SYNE1: variants seen among roughly 807,000 people sequenced by gnomAD.
SYNE1 encodes the protein nesprin-1.
Under a neutral mutation model 1,111.0 loss-of-function variants are expected in SYNE1, and 616 were observed. That is an observed-to-expected ratio of 0.55 (90% confidence interval 0.52 to 0.59). SYNE1 has a LOEUF of 0.59. Among genes scored for constraint, SYNE1 ranks in the 20% least tolerant of loss-of-function variants. SYNE1 has a pLI of 0.00. For synonymous variants in SYNE1, 3,855 were observed against 3,825.8 expected, an observed-to-expected ratio of 1.01 and a Z score of -0.28; for missense variants, 10,006 against 10,417.0, an observed-to-expected ratio of 0.96 and a Z score of 1.72.
In SYNE1 at chr6:152,301,916, C is replaced by T. The variant is rs760887415; in HGVS notation, c.17494G>A (p.Asp5832Asn). ...GAAGGCGTGGGGAGGAGCTCCCCATCCAGGTCCTCTGTCCCTTCCGCCAGC... is the reference window on the plus strand; with the variant it reads ...GAAGGCGTGGGGAGGAGCTCCCCATTCAGGTCCTCTGTCCCTTCCGCCAGC... ...EGLAEGTEDL[D>N]GELLPTPSAH... Residue 5832 changes from aspartate to asparagine, a missense_variant, in exon 92 of 146, where the codon GAT becomes AAT. Physicochemically the swap from Asp to Asn is conservative, Grantham distance 23 (BLOSUM62 1). Around this residue, in one of 7 missense-constraint regions of SYNE1, gnomAD observed 4,955 missense variants for 5,017.2 expected, o/e 0.99. Coordinates refer to ENST00000367255, the MANE Select transcript of SYNE1 (RefSeq NM_182961.4). The T allele has an allele frequency of 1.6e-5, 26 of 1,614,034 alleles. No homozygotes were observed. Among genetic ancestry groups the T allele is most frequent in the Non-Finnish European group, 2.1e-5 (25 of 1,180,030 alleles).
intron 29 of SYNE1, among the ~76,000 whole-genome samples, chr6:152,446,320 A>C (rs1479971101): frequency 6.6e-6 from 1 of 152,112 alleles, no homozygotes; most frequent in Non-Finnish European, 1.5e-5. Context: ...AAGATGGATA[A>C]TCAAAGGATT....
intron 3 of SYNE1, among the ~76,000 whole-genome samples, chr6:152,571,919 T>C (rs1444793250): frequency 5.3e-5 from 8 of 152,202 alleles, no homozygotes; most frequent in Admixed American, 5.2e-4. Flanking sequence ...CAATGCTAGT[T>C]TGTGCATCAT....
Position 152,224,369 on chromosome 6 carries a change from A to G in SYNE1, c.21522+125T>C. 5 of 955,762 alleles carry G rather than the reference A, an allele frequency of 5.2e-6. No homozygotes were observed. The South Asian group carries it at 8.2e-5, about 16-fold the overall frequency. The allele number at this position is 955,762 out of a possible 1,614,324, so 59.2% of individuals were successfully genotyped here. On this transcript the variant is annotated intron_variant, in intron 117 of 145. Coordinates refer to ENST00000367255, the MANE Select transcript of SYNE1 (RefSeq NM_182961.4). ...AACACAGGTAAAATTAATTTTAAAG[A>G]TCTTAAAAAATAATTAAACGTAAAC...
chr6:152,167,673 T>C (rs779936326), intron 130 of SYNE1: 3 of 468,240 alleles, frequency 6.4e-6, no homozygotes, highest in Non-Finnish European at 1.3e-5. Flanking sequence ...TGAAATAGTT[T>C]TATTTCATGA....
intron 11 of SYNE1, among the ~76,000 whole-genome samples, chr6:152,490,527 C>T (rs966493507): frequency 2.0e-5 from 3 of 152,126 alleles, no homozygotes; most frequent in East Asian, 1.9e-4. Context: ...CAATGAATCT[C>T]GGAAGCTCCC....
At chr6:152,492,124 C>T (rs1283095759) in intron 11 of SYNE1, among the ~76,000 whole-genome samples, 3 of 152,134 alleles carry the variant, frequency 2.0e-5, no homozygotes, top group Non-Finnish European at 4.4e-5. Flanking sequence ...AAGCCCAGCC[C>T]AGTTCATGGC....
At position 152,401,125 on chromosome 6, in the gene SYNE1, G is replaced by A; in HGVS notation, c.7029+13C>T. On this transcript the variant is annotated intron_variant, in intron 47 of 145. Coordinates refer to ENST00000367255, the MANE Select transcript of SYNE1 (RefSeq NM_182961.4). ...ATTTGAATGGAAGCACTTAATGATA[G>A]TTTATTACCTACCTTGACTTTTTTC... is the stretch of plus-strand genomic sequence containing the variant. 1 of 1,612,932 alleles carries A rather than the reference G, an allele frequency of 6.2e-7. No individual in the cohort carries two copies. The highest frequency in any genetic ancestry group is 8.5e-7 in the Non-Finnish European group (1 of 1,179,200).
intron 131 of SYNE1, among the ~76,000 whole-genome samples, chr6:152,162,693 T>C (rs57897850): frequency 0.039 from 5,866 of 152,180 alleles, 340 homozygotes; most frequent in African/African-American, 0.13. Flanking sequence ...TTTAAAGCAA[T>C]GGAATATAGT....
Position 152,236,849 on chromosome 6 carries a change from C to T in SYNE1, c.20167G>A (p.Asp6723Asn). 1.2e-6 allele frequency: 2 copies of T among 1,614,126 alleles called. No individual in the cohort carries two copies. The highest frequency in any genetic ancestry group is 1.7e-6 in the Non-Finnish European group (2 of 1,180,014). Residue 6723 changes from aspartate to asparagine, a missense_variant, in exon 109 of 146, where the codon GAC becomes AAC. Coordinates refer to ENST00000367255, the MANE Select transcript of SYNE1 (RefSeq NM_182961.4). The part of the protein sequence containing the change: ...PSVGLVEENE[D>N]RLIDRITLYQ... Reference sequence around the variant, plus strand: ...AGTGTTATGCGGTCAATAAGCCTGTCCTCGTTCTCCTCCACCAGACCCACG... The same window carrying T: ...AGTGTTATGCGGTCAATAAGCCTGTTCTCGTTCTCCTCCACCAGACCCACG...
At position 152,331,118 on chromosome 6, in the gene SYNE1, C is replaced by T; in HGVS notation, c.13567G>A (p.Glu4523Lys). The T allele has an allele frequency of 6.2e-7, 1 of 1,614,136 alleles. No homozygotes were observed. The highest frequency in any genetic ancestry group is 2.2e-5 in the East Asian group (1 of 44,880). Residue 4523 changes from glutamate to lysine, a missense_variant, in exon 78 of 146, where the codon GAA becomes AAA. This residue lies in a region of SYNE1 where 4,955 missense variants were observed against 5,017.2 expected (regional missense o/e 0.99). Transcript: ENST00000367255. ...TCACTCTTTTCCTGCTCTGTGACTT[C>T]CTTCATTAGTTCGCGACCCTGGGCC... ...LWAQGRELMK[E>K]VTEQEKSEVL...
chr6:152,268,531 A>G (rs1378358643), intron 99 of SYNE1, among the ~76,000 whole-genome samples: 7 of 152,184 alleles, frequency 4.6e-5, no homozygotes, highest in Non-Finnish European at 7.3e-5. Flanking sequence ...TGGCTTTTTA[A>G]GTTCTCCACT....
At chr6:152,401,412 T>A in intron 46 of SYNE1, 71 bp from the exon 47 acceptor site, 1 of 1,465,572 alleles carries the variant, frequency 6.8e-7, no homozygotes, top group African/African-American at 1.4e-5. Flanking sequence ...GAAATTCTGT[T>A]CACGTGCAGC....
chr6:152,132,840 TA>T (rs1002217868), intron 143 of SYNE1, among the ~76,000 whole-genome samples: 2 of 151,042 alleles, frequency 1.3e-5, no homozygotes, highest in African/African-American at 4.9e-5. Context: ...AAAAAAAATA[TA>T]AAAAATTAAA....
chr6:152,315,433 C>G (rs566068369), intron 87 of SYNE1: 1 of 152,260 alleles, frequency 6.6e-6, no homozygotes, highest in African/African-American at 2.4e-5. Context: ...AACTCCTGAC[C>G]TTGTGATCCA....
chr6:152,453,330 TA>T lies in SYNE1; in HGVS notation c.3027+255del, dbSNP rs5880978. 100,369 of 598,896 alleles carry T rather than the reference TA, an allele frequency of 0.17. 10,887 individuals are homozygous for T. Among genetic ancestry groups the T allele is most frequent in the East Asian group, 0.43 (15,386 of 35,958 alleles). 37.1% of individuals were successfully genotyped at this position (598,896 alleles called of 1,614,324 possible). A position where few individuals can be genotyped will look rare whatever the true frequency, so the allele number is the denominator to read the frequency against. On this transcript the variant is annotated intron_variant, in intron 25 of 145. Coordinates refer to ENST00000367255, the MANE Select transcript of SYNE1 (RefSeq NM_182961.4). Reference sequence around the variant, plus strand: ...AGTTAAATGTTCTTGCACCCTGGATTAAAAAAAAATCAGGAAACCAAAAAGA... The same window carrying T: ...AGTTAAATGTTCTTGCACCCTGGATTAAAAAAAATCAGGAAACCAAAAAGA...
chr6:152,329,313 G>T (rs1563105375), intron 78 of SYNE1, among the ~76,000 whole-genome samples: 1 of 152,188 alleles, frequency 6.6e-6, no homozygotes, highest in Non-Finnish European at 1.5e-5. Flanking sequence ...ATCGTTTGAC[G>T]TCAGGAGTTT....
intron 56 of SYNE1, among the ~76,000 whole-genome samples, chr6:152,379,731 A>G (rs2097364618): frequency 6.6e-6 from 1 of 152,214 alleles, no homozygotes; most frequent in South Asian, 2.1e-4. Context: ...TCACATTTGA[A>G]CTATTTAACA....
intron 3 of SYNE1, among the ~76,000 whole-genome samples, chr6:152,620,904 G>A (rs1043378221): frequency 6.6e-6 from 1 of 152,108 alleles, no homozygotes; most frequent in Non-Finnish European, 1.5e-5. Context: ...TTTATATTCT[G>A]GGTGAATAGG....
At chr6:152,456,726 G>C (rs1347524241) in intron 22 of SYNE1, 1 of 450,414 alleles carries the variant, frequency 2.2e-6, no homozygotes, top group South Asian at 1.6e-5. Flanking sequence ...AGACAGCATG[G>C]AAATCATTGA....
Sources: allele counts gnomAD v4.1 joint callset (sites outside exome capture counted in the v4.1 genomes callset), GRCh38; gene constraint gnomAD v4.1.1; regional missense constraint gnomAD v4.1.1; transcripts MANE v1.5; gene names NCBI Gene and HGNC (gene_info 2026-07-23, HGNC 2026-07-21).